The following SORCS2 variants were observed in gnomAD, a reference collection of about 807,000 sequenced individuals.
SORCS2 encodes sortilin related VPS10 domain containing receptor 2, also known as VPS10 domain-containing receptor SorCS2.
In SORCS2, 100 loss-of-function variants were observed where a neutral mutation model predicts 141.6. The observed-to-expected ratio is 0.71, with a 90% CI of 0.60 to 0.83. The LOEUF is 0.83. SORCS2 is among the 40% of genes least tolerant of loss of function. The pLI, the probability that SORCS2 is intolerant of heterozygous loss-of-function variation, is 0.00. For synonymous variants in SORCS2, 789 were observed against 676.9 expected, an observed-to-expected ratio of 1.17 and a Z score of -2.57; for missense variants, 1,646 against 1,560.2, an observed-to-expected ratio of 1.05 and a Z score of -0.93.
At chr4:7,395,261 G>A (rs1249256919) in intron 1 of SORCS2, among the ~76,000 whole-genome samples, 2 of 152,218 alleles carry the variant, frequency 1.3e-5, no homozygotes, top group Non-Finnish European at 2.9e-5. Context: ...CCTTAGGACC[G>A]AGCGCAGGGA....
chr4:7,331,688 T>C (rs1238335060), intron 1 of SORCS2, among the ~76,000 whole-genome samples: 1 of 152,102 alleles, frequency 6.6e-6, no homozygotes, highest in Admixed American at 6.5e-5. Flanking sequence ...TCTGATTCAG[T>C]GGGTCGGGGT....
intron 1 of SORCS2, among the ~76,000 whole-genome samples, chr4:7,329,062 G>A (rs1045869007): frequency 1.3e-5 from 2 of 152,304 alleles, no homozygotes; most frequent in Non-Finnish European, 1.5e-5. Context: ...ACACGGAGGC[G>A]ACCGTGGCTC....
intron 1 of SORCS2, among the ~76,000 whole-genome samples, chr4:7,277,661 C>T (rs900126697): frequency 4.6e-5 from 7 of 151,956 alleles, no homozygotes; most frequent in African/African-American, 1.7e-4. Flanking sequence ...CCACTCCCTC[C>T]GGACTCTGAG....
intron 10 of SORCS2, 55 bp from the exon 11 acceptor site, chr4:7,689,431 C>T: frequency 6.6e-7 from 1 of 1,518,176 alleles, no homozygotes; most frequent in South Asian, 1.2e-5. Flanking sequence ...GCTTAGTTTT[C>T]CTAAGGATGC....
At chr4:7,649,104 C>T (rs1266902086) in intron 4 of SORCS2, among the ~76,000 whole-genome samples, 4 of 152,182 alleles carry the variant, frequency 2.6e-5, no homozygotes, top group African/African-American at 9.7e-5. Flanking sequence ...TTTGCAATAG[C>T]AGGGGCAGGG....
At chr4:7,303,587 C>T (rs939622409) in intron 1 of SORCS2, among the ~76,000 whole-genome samples, 10 of 152,262 alleles carry the variant, frequency 6.6e-5, no homozygotes, top group Middle Eastern at 3.4e-3. Flanking sequence ...TGAATTTCGG[C>T]GTTTGGTGAT....
chr4:7,585,573 A>G (rs1325840651), intron 3 of SORCS2, among the ~76,000 whole-genome samples: 1 of 152,224 alleles, frequency 6.6e-6, no homozygotes, highest in South Asian at 2.1e-4. Context: ...ACTTCAAGGT[A>G]TTGTAGAAAC....
chr4:7,470,726 A>G (rs1165383935), intron 2 of SORCS2, among the ~76,000 whole-genome samples: 8 of 152,334 alleles, frequency 5.3e-5, no homozygotes, highest in Admixed American at 3.9e-4. Flanking sequence ...GAGCTTGGGG[A>G]CAGACAAAGC....
At chr4:7,437,172 C>T (rs554217119) in intron 2 of SORCS2, among the ~76,000 whole-genome samples, 4 of 152,290 alleles carry the variant, frequency 2.6e-5, no homozygotes, top group South Asian at 4.2e-4. Flanking sequence ...ATCACAGGTC[C>T]GAGGTTGGCA....
At chr4:7,569,653 C>T (rs547490353) in intron 3 of SORCS2, among the ~76,000 whole-genome samples, 27 of 152,322 alleles carry the variant, frequency 1.8e-4, no homozygotes, top group African/African-American at 4.8e-4. Context: ...TCCGTGACTT[C>T]GCCATGGGTT....
chr4:7,196,910 C>T (rs565850541), intron 1 of SORCS2, among the ~76,000 whole-genome samples: 3 of 152,318 alleles, frequency 2.0e-5, no homozygotes, highest in Admixed American at 6.5e-5. Context: ...TACCCATGGC[C>T]TCTCCCCAAG....
chr4:7,389,898 G>T (rs1274378275), intron 1 of SORCS2, among the ~76,000 whole-genome samples: 1 of 152,182 alleles, frequency 6.6e-6, no homozygotes, highest in Non-Finnish European at 1.5e-5. Flanking sequence ...TGATGAGGCT[G>T]AAGGACAGTG....
At chr4:7,384,955 G>A (rs1723204131) in intron 1 of SORCS2, among the ~76,000 whole-genome samples, 1 of 152,228 alleles carries the variant, frequency 6.6e-6, no homozygotes, top group Non-Finnish European at 1.5e-5. Context: ...ATTCTTAGAG[G>A]GAAAGGCCTG....
chr4:7,517,486 C>T (rs139275635), intron 2 of SORCS2, among the ~76,000 whole-genome samples: 46 of 152,262 alleles, frequency 3.0e-4, no homozygotes, highest in African/African-American at 1.1e-3. Flanking sequence ...ACACTCAATA[C>T]GTCATTTGGA....
intron 10 of SORCS2, among the ~76,000 whole-genome samples, chr4:7,687,342 G>A (rs999388106): frequency 6.6e-6 from 1 of 152,196 alleles, no homozygotes; most frequent in African/African-American, 2.4e-5. Context: ...TTCTGCCTGA[G>A]CTATCTGGGG....
chr4:7,632,291 A>T (rs1719942871), intron 3 of SORCS2, among the ~76,000 whole-genome samples: 1 of 152,172 alleles, frequency 6.6e-6, no homozygotes. Flanking sequence ...TAATTTCAAA[A>T]AACCAGCCTC....
At chr4:7,276,516 C>G (rs1288174203) in intron 1 of SORCS2, among the ~76,000 whole-genome samples, 2 of 152,128 alleles carry the variant, frequency 1.3e-5, no homozygotes, top group Non-Finnish European at 2.9e-5. Context: ...AGAGGAGGCC[C>G]CTGTATCTGA....
At chr4:7,401,152 T>C (rs1019127416) in intron 2 of SORCS2, among the ~76,000 whole-genome samples, 2 of 151,744 alleles carry the variant, frequency 1.3e-5, no homozygotes, top group East Asian at 2.0e-4. Context: ...GACTGATAGA[T>C]GGACAGATGG....
intron 1 of SORCS2, among the ~76,000 whole-genome samples, chr4:7,304,690 A>G (rs1034841031): frequency 1.3e-5 from 2 of 152,120 alleles, no homozygotes; most frequent in African/African-American, 2.4e-5. Flanking sequence ...AACAGGCCTG[A>G]GCTCCTGGTG....
Sources: gnomAD v4.1 joint callset for allele counts (sites outside exome capture counted in the v4.1 genomes callset) on GRCh38, gnomAD v4.1.1 for gene constraint, MANE v1.5 for transcripts, NCBI Gene and HGNC (gene_info 2026-07-23, HGNC 2026-07-21) for gene names.